EVL: variants seen among roughly 807,000 people sequenced by gnomAD.
EVL encodes the protein ena/VASP-like protein.
A neutral mutation model predicts 59.6 loss-of-function variants in EVL; 21 were observed. That is an observed-to-expected ratio of 0.35 (90% CI 0.25 to 0.51). The LOEUF is 0.51. Among genes scored for constraint, EVL ranks in the 20% least tolerant of loss-of-function variants. The probability of loss-of-function intolerance (pLI) is 0.97; values close to 1 mark genes in which losing one functional copy is unlikely to be tolerated. For synonymous variants in EVL, 198 were observed against 203.5 expected, an observed-to-expected ratio of 0.97 and a Z score of 0.23; for missense variants, 462 against 546.6, an observed-to-expected ratio of 0.85 and a Z score of 1.54.
At chr14:99,994,112 C>CTTTTTTTTTTTTTTTTT (rs751533422) in intron 1 of EVL, among the ~76,000 whole-genome samples, 5 of 55,154 alleles carry the variant, frequency 9.1e-5, no homozygotes, top group Non-Finnish European at 1.3e-4. Context: ...AGCCTTTTGG[C>CTTTTTTTTTTTTTTTTT]TTTTTTTTTT....
At chr14:100,065,037 G>T (rs927163907), upstream of EVL, among the ~76,000 whole-genome samples, 14 of 152,230 alleles carry the variant, frequency 9.2e-5, no homozygotes, top group Non-Finnish European at 7.3e-5. Context: ...GAAGTCATCT[G>T]TGCTGAGCCT....
chr14:100,077,959 T>A (rs2062201767), intron 1 of EVL, among the ~76,000 whole-genome samples: 1 of 151,974 alleles, frequency 6.6e-6, no homozygotes, highest in South Asian at 2.1e-4. Context: ...GTATTTTTAG[T>A]AGAGATGGGG....
chr14:100,014,798 G>C (rs1205247259), intron 1 of EVL, among the ~76,000 whole-genome samples: 1 of 152,192 alleles, frequency 6.6e-6, no homozygotes, highest in Non-Finnish European at 1.5e-5. Flanking sequence ...CTTAATTAGG[G>C]TTGTAGAAGT....
At chr14:100,136,174 T>C (rs1413813335) in intron 9 of EVL, among the ~76,000 whole-genome samples, 1 of 152,226 alleles carries the variant, frequency 6.6e-6, no homozygotes, top group Non-Finnish European at 1.5e-5. Flanking sequence ...GCAGAGCCAC[T>C]GTGATGGGTC....
At chr14:100,121,896 C>T (rs1887722738) in intron 3 of EVL, among the ~76,000 whole-genome samples, 1 of 152,346 alleles carries the variant, frequency 6.6e-6, no homozygotes, top group South Asian at 2.1e-4. Flanking sequence ...GCAGGGCCAA[C>T]CCTCAGACCA....
At position 100,141,744 on chromosome 14, in the gene EVL, A is replaced by G; in HGVS notation, c.1170A>G (p.Leu390=). The G allele has an allele frequency of 6.2e-7, 1 of 1,613,448 alleles. No homozygotes were observed. Among genetic ancestry groups the G allele is most frequent in the Non-Finnish European group, 8.5e-7 (1 of 1,179,872 alleles). Residue 390 remains leucine (L), a synonymous_variant, in exon 13 of 14, where the codon CTA becomes CTG. Transcript: ENST00000392920. ...CACTCCTCTCCCAACAGGAGATCCTAGAGGAGGTGGTGAGAGAGCTCCACA... is the reference window on the plus strand; with the variant it reads ...CACTCCTCTCCCAACAGGAGATCCTGGAGGAGGTGGTGAGAGAGCTCCACA... ...FDLDRMKQEI[L]EEVVRELHKV...
intron 1 of EVL, among the ~76,000 whole-genome samples, chr14:100,027,974 C>T (rs1281989636): frequency 6.6e-6 from 1 of 152,206 alleles, no homozygotes; most frequent in South Asian, 2.1e-4. Flanking sequence ...CGCACCCAGA[C>T]TCAATTCCTA....
chr14:100,005,863 A>C (rs986957265), intron 1 of EVL, among the ~76,000 whole-genome samples: 1 of 152,036 alleles, frequency 6.6e-6, no homozygotes, highest in Non-Finnish European at 1.5e-5. Flanking sequence ...AGAAGGCAGA[A>C]CCCTTAGCTA....
At chr14:100,061,143 C>G (rs1033973534), upstream of EVL, among the ~76,000 whole-genome samples, 1 of 152,016 alleles carries the variant, frequency 6.6e-6, no homozygotes, top group East Asian at 1.9e-4. Context: ...GTAATCCCAG[C>G]CCTTTCGGAG....
At position 100,144,100 on chromosome 14, in the gene EVL, C is replaced by T; in HGVS notation, c.*362C>T. Reference sequence around the variant, plus strand: ...TTAGCGCCTCAGCTGGCGGTGACAGCCGGCCCAGCGTGGCGCCACCACACA... The same window carrying T: ...TTAGCGCCTCAGCTGGCGGTGACAGTCGGCCCAGCGTGGCGCCACCACACA... On this transcript the variant is annotated 3_prime_UTR_variant, in exon 14 of 14. Transcript: ENST00000392920. 6.0e-6 allele frequency: 2 copies of T among 333,994 alleles called. No homozygotes were observed. The highest frequency in any genetic ancestry group is 1.1e-5 in the Non-Finnish European group (2 of 179,096). The allele number at this position is 333,994 out of a possible 1,614,324, so 20.7% of individuals were successfully genotyped here. A position where few individuals can be genotyped will look rare whatever the true frequency, so the allele number is the denominator to read the frequency against.
At chr14:100,110,127 C>T (rs1388085681) in intron 3 of EVL, among the ~76,000 whole-genome samples, 2 of 152,182 alleles carry the variant, frequency 1.3e-5, no homozygotes, top group Non-Finnish European at 1.5e-5. Flanking sequence ...GCCTGTAATC[C>T]CAGCACTTTA....
At chr14:100,126,530 G>A (rs917257770) in intron 4 of EVL, among the ~76,000 whole-genome samples, 177 bp from the exon 5 acceptor site, 8 of 152,218 alleles carry the variant, frequency 5.3e-5, no homozygotes, top group African/African-American at 1.7e-4. Context: ...GCGGGAGCTG[G>A]ACCCAGTCAC....
intron 1 of EVL, among the ~76,000 whole-genome samples, chr14:100,052,053 A>G (rs1196803043): frequency 6.6e-6 from 1 of 152,224 alleles, no homozygotes; most frequent in Non-Finnish European, 1.5e-5. Context: ...AGGTCTCTGT[A>G]AAAAATAACG....
At chr14:100,046,845 T>C (rs1302911952) in intron 1 of EVL, among the ~76,000 whole-genome samples, 4 of 149,494 alleles carry the variant, frequency 2.7e-5, no homozygotes, top group Admixed American at 1.3e-4. Flanking sequence ...CTCCGCCTCC[T>C]GGGTTCACGC....
At chr14:100,021,976 A>C (rs1257984689) in intron 1 of EVL, among the ~76,000 whole-genome samples, 2 of 152,086 alleles carry the variant, frequency 1.3e-5, no homozygotes, top group Non-Finnish European at 2.9e-5. Flanking sequence ...TTGGTTTTAT[A>C]ATCTCGGTGC....
rs1886734397 is a variant in EVL, at chr14:100,108,578, G to A, written c.358+10920G>A. ...CCCCAGGGCTCCAGATGTTGTATCA[G>A]GCAGGGCCTTTGTACGCCTCCATGC... On this transcript the variant is annotated intron_variant, in intron 3 of 13. Coordinates refer to ENST00000392920, the MANE Select transcript of EVL (RefSeq NM_016337.3). This position sits in a 1 kb window ranked among gnomAD's most constrained non-coding sequence, Gnocchi z 4.1. 6.6e-6 allele frequency among the ~76,000 whole-genome samples: 1 copy of A among 152,162 alleles called. No homozygotes were observed. The highest frequency in any genetic ancestry group is 1.5e-5 in the Non-Finnish European group (1 of 68,034).
chr14:100,048,783 C>A (rs547561737), intron 1 of EVL, among the ~76,000 whole-genome samples: 146 of 152,312 alleles, frequency 9.6e-4, no homozygotes, highest in Non-Finnish European at 1.8e-3. Context: ...TTAACTAACA[C>A]AACAGCTCGG....
chr14:100,040,972 T>C (rs1041496527), intron 1 of EVL, among the ~76,000 whole-genome samples: 1 of 152,184 alleles, frequency 6.6e-6, no homozygotes, highest in Non-Finnish European at 1.5e-5. Flanking sequence ...CCATTTGAGA[T>C]GCTAATCTGC....
In EVL at chr14:100,047,116, CTCTTT is replaced by C. The variant is rs1258215152; in HGVS notation, c.6-37569_6-37565del. On this transcript the variant is annotated intron_variant, in intron 1 of 13. Transcript: ENST00000402714. ...TTTGAGACCTTGGGCAGATCTCTCT[CTCTTT>C]TTTTTTTTTTTTTTTTTTTTTTTTA... Among the ~76,000 whole-genome samples, 122 of 28,454 alleles carry C rather than the reference CTCTTT, an allele frequency of 4.3e-3. 5 individuals carry two copies. The highest frequency in any genetic ancestry group is 9.6e-3 in the African/African-American group (105 of 10,920). 18.7% of individuals were successfully genotyped at this position (28,454 alleles called of 152,430 possible).
Sources: gnomAD v4.1 joint callset for allele counts (sites outside exome capture counted in the v4.1 genomes callset) on GRCh38, gnomAD v4.1.1 for gene constraint, Gnocchi (gnomAD v3.1) non-coding constraint, MANE v1.5 for transcripts, NCBI Gene and HGNC (gene_info 2026-07-23, HGNC 2026-07-21) for gene names.